Variants in NWD1 observed in about 807,000 individuals in gnomAD.
NWD1 encodes the protein NACHT domain- and WD repeat-containing protein 1.
Under a neutral mutation model 135.1 loss-of-function variants are expected in NWD1, and 129 were observed. The observed-to-expected ratio is 0.96, with a 90% CI of 0.83 to 1.11. The LOEUF (loss-of-function observed/expected upper bound fraction) is 1.11. Ranked by LOEUF, NWD1 falls within the 50% of genes least tolerant of loss-of-function variation. The pLI, the probability that NWD1 is intolerant of heterozygous loss-of-function variation, is 0.00. For synonymous variants in NWD1, 773 were observed against 786.0 expected (o/e 0.98, Z 0.28); for missense variants, 1,740 against 1,851.3 (o/e 0.94, Z 1.10).
intron 16 of NWD1, among the ~76,000 whole-genome samples, chr19:16,798,641 T>C (rs1342436518): frequency 6.6e-6 from 1 of 152,166 alleles, no homozygotes; most frequent in African/African-American, 2.4e-5. Context: ...TCTTTATTTT[T>C]TGAGACCAAG....
In NWD1 at chr19:16,816,602, TAAG is replaced by T. The variant is rs1428690553; in HGVS notation, c.*1564_*1566del. 6.6e-6 allele frequency: 1 copy of T among 152,232 alleles called. No homozygotes were observed. The highest frequency in any genetic ancestry group is 2.4e-5 in the African/African-American group (1 of 41,454). The allele number at this position is 152,232 out of a possible 1,614,324, so 9.4% of individuals were successfully genotyped here. Reference sequence around the variant, plus strand: ...ACAGTCAAACTGTTTTCATTCCACTTAAGTGGATCTTTCTTCTTTGCCCACAGC... The same window carrying T: ...ACAGTCAAACTGTTTTCATTCCACTTTGGATCTTTCTTCTTTGCCCACAGC... On this transcript the variant is annotated 3_prime_UTR_variant, in exon 19 of 19. Coordinates refer to ENST00000524140, the MANE Select transcript of NWD1 (RefSeq NM_001007525.5).
chr19:16,730,238 C>T (rs1967502198), intron 2 of NWD1, among the ~76,000 whole-genome samples: 1 of 151,920 alleles, frequency 6.6e-6, no homozygotes, highest in East Asian at 1.9e-4. Context: ...AGGGGAATTG[C>T]TTGAACCCAG....
intron 7 of NWD1, among the ~76,000 whole-genome samples, chr19:16,759,803 G>C (rs1968939103): frequency 6.6e-6 from 1 of 151,898 alleles, no homozygotes; most frequent in African/African-American, 2.4e-5. Context: ...AGACCAGTCT[G>C]ACCAACATGG....
intron 5 of NWD1, among the ~76,000 whole-genome samples, chr19:16,745,518 C>A (rs1044099732): frequency 6.7e-5 from 10 of 149,436 alleles, no homozygotes; most frequent in African/African-American, 1.2e-4. Flanking sequence ...CACTTGAGTT[C>A]AGGAGTTCGA....
intron 7 of NWD1, among the ~76,000 whole-genome samples, chr19:16,760,027 C>G (rs2122874209): frequency 6.6e-6 from 1 of 150,866 alleles, no homozygotes; most frequent in South Asian, 2.1e-4. Flanking sequence ...TGATGGTACA[C>G]ACTTGTGGTC....
At position 16,773,137 on chromosome 19, in the gene NWD1, C is replaced by T; in HGVS notation, c.2422C>T (p.Leu808=). The change falls in exon 11 of 19, where the codon CTG becomes TTG. Residue 808 remains leucine (L), a synonymous_variant. Coordinates refer to ENST00000524140, the MANE Select transcript of NWD1 (RefSeq NM_001007525.5). ...TCCCTTTGTTGCAGAGAGGAGCCTC[C>T]TGTACACAGAACTGCTGGCCAGACT... The part of the protein sequence containing the change: ...VELRGMERSL[L]YTELLARLHF... 1 of 1,613,872 alleles carries T rather than the reference C, an allele frequency of 6.2e-7. No individual in the cohort carries two copies. Among genetic ancestry groups the T allele is most frequent in the Non-Finnish European group, 8.5e-7 (1 of 1,179,992 alleles).
intron 6 of NWD1, among the ~76,000 whole-genome samples, chr19:16,757,681 G>A (rs930169538): frequency 2.6e-5 from 4 of 152,140 alleles, no homozygotes; most frequent in Non-Finnish European, 4.4e-5. Context: ...ATGTCTTCAG[G>A]GATGAAGATA....
intron 17 of NWD1, among the ~76,000 whole-genome samples, chr19:16,805,153 G>A (rs1001921839): frequency 2.0e-5 from 3 of 151,906 alleles, no homozygotes; most frequent in African/African-American, 7.3e-5. Context: ...CCGCCTCCCG[G>A]GTTCAAGCAA....
At chr19:16,761,933 C>T in intron 7 of NWD1, 46 bp from the exon 8 acceptor site, 1 of 1,550,516 alleles carries the variant, frequency 6.4e-7, no homozygotes, top group South Asian at 1.1e-5. Flanking sequence ...CACCTTTGAG[C>T]TTGATGGGTC....
chr19:16,799,961 C>T lies in NWD1; in HGVS notation c.3535C>T (p.Arg1179Cys), dbSNP rs140495987. The change falls in exon 17 of 19, where the codon CGC becomes TGC. Residue 1179 changes from arginine to cysteine, a missense_variant. By Grantham distance (180) the Arg-to-Cys change is radical. Coordinates refer to ENST00000524140, the MANE Select transcript of NWD1 (RefSeq NM_001007525.5). Reference protein sequence around the residue: ...GVGAPVSLLARGGALVASASP... With the variant: ...GVGAPVSLLACGGALVASASP... ...CGGGGCCCCCGTGAGCCTGCTGGCC[C>T]GCGGCGGGGCTTTGGTGGCATCTGC... 127 of 1,613,980 alleles carry T rather than the reference C, an allele frequency of 7.9e-5. 1 individual carries two copies. Among genetic ancestry groups the T allele is most frequent in the Non-Finnish European group, 9.6e-5 (113 of 1,179,976 alleles).
intron 18 of NWD1, chr19:16,812,769 T>C (rs1055850758): frequency 3.8e-6 from 3 of 780,942 alleles, no homozygotes; most frequent in Non-Finnish European, 7.2e-6. Context: ...AGGGGTCCAA[T>C]GTGCTTGCTT....
chr19:16,781,351 G>A (rs773925), intron 12 of NWD1, among the ~76,000 whole-genome samples: 13,904 of 152,078 alleles, frequency 0.091, 1,080 homozygotes, highest in African/African-American at 0.21. Flanking sequence ...TTGGCTGGGC[G>A]TGGTGGCTTA....
chr19:16,735,727 G>T (rs768036247), intron 3 of NWD1, among the ~76,000 whole-genome samples: 11 of 151,458 alleles, frequency 7.3e-5, no homozygotes, highest in Non-Finnish European at 1.6e-4. Context: ...CTACTCAGGA[G>T]ACTGAGGCAT....
At chr19:16,730,048 G>A (rs1215566802) in intron 2 of NWD1, among the ~76,000 whole-genome samples, 1 of 152,168 alleles carries the variant, frequency 6.6e-6, no homozygotes, top group Non-Finnish European at 1.5e-5. Context: ...TATGGGCCGG[G>A]CGCAGTGGCT....
chr19:16,758,045 C>CT (rs1968863555), intron 6 of NWD1, among the ~76,000 whole-genome samples: 1 of 134,010 alleles, frequency 7.5e-6, no homozygotes, highest in Non-Finnish European at 1.5e-5. Flanking sequence ...GAGTGAGACT[C>CT]TGTCTCAAAA....
intron 3 of NWD1, among the ~76,000 whole-genome samples, chr19:16,734,788 A>G (rs561146349): frequency 2.6e-5 from 4 of 151,404 alleles, no homozygotes; most frequent in Admixed American, 2.0e-4. Flanking sequence ...GTCTCCCTAT[A>G]TTGTTCAGGC....
chr19:16,798,407 C>T (rs999078490), intron 16 of NWD1, among the ~76,000 whole-genome samples: 3 of 151,966 alleles, frequency 2.0e-5, no homozygotes, highest in Non-Finnish European at 4.4e-5. Flanking sequence ...CCCAGGAGTT[C>T]GAGACCAGCC....
chr19:16,773,050 G>A, intron 10 of NWD1, 76 bp from the exon 11 acceptor site: 1 of 1,242,124 alleles, frequency 8.1e-7, no homozygotes, highest in Non-Finnish European at 1.2e-6. Flanking sequence ...GCCCCTGCAG[G>A]GAGCAGAGAC....
rs200511332 is a variant in NWD1, at chr19:16,788,232, AAATAATAATAATAATAATAATAATAAT to A, written c.2732-723_2732-697del. Among the ~76,000 whole-genome samples the A allele has an allele frequency of 3.5e-3, 402 of 115,420 alleles. 1 individual carries two copies. The highest frequency in any genetic ancestry group is 0.013 in the African/African-American group (373 of 29,836). 75.7% of individuals were successfully genotyped at this position (115,420 alleles called of 152,430 possible). A position where few individuals can be genotyped will look rare whatever the true frequency, so the allele number is the denominator to read the frequency against. On this transcript the variant is annotated intron_variant, in intron 12 of 18. Coordinates refer to ENST00000524140, the MANE Select transcript of NWD1 (RefSeq NM_001007525.5). ...GCAACAAGAGCAAAACTTCATCTCA[AAATAATAATAATAATAATAATAATAAT>A]AATAATAATAATAATAATAATAATA...
Sources: allele counts gnomAD v4.1 joint callset (sites outside exome capture counted in the v4.1 genomes callset), GRCh38; gene constraint gnomAD v4.1.1; transcripts MANE v1.5; gene names NCBI Gene and HGNC (gene_info 2026-07-23, HGNC 2026-07-21).